The following C11orf65 variants were observed in gnomAD, a reference collection of about 807,000 sequenced individuals.
The protein encoded by C11orf65 is protein MFI.
A neutral mutation model predicts 35.3 loss-of-function variants in C11orf65; 38 were observed. The ratio of observed to expected loss-of-function variants is 1.08; its 90% CI spans 0.83 to 1.41. The LOEUF (loss-of-function observed/expected upper bound fraction) is 1.41, where lower values mean the gene tolerates loss of function less well. Ranked by LOEUF, C11orf65 falls within the 40% of genes most tolerant of loss-of-function variation. C11orf65 has a pLI of 0.00. For missense variants in C11orf65, 370 were observed against 367.1 expected (o/e 1.01, Z -0.06); for synonymous variants, 105 against 114.4 (o/e 0.92, Z 0.53).
intron 2 of C11orf65, among the ~76,000 whole-genome samples, chr11:108,432,965 G>A (rs1231166487): frequency 6.6e-6 from 1 of 152,082 alleles, no homozygotes; most frequent in Non-Finnish European, 1.5e-5. Context: ...GGTTGACAGG[G>A]GAGTTCTGCT....
At chr11:108,344,136 CAT>C (rs1327107244) in intron 2 of C11orf65, among the ~76,000 whole-genome samples, 5 of 152,090 alleles carry the variant, frequency 3.3e-5, no homozygotes, top group African/African-American at 1.2e-4. Context: ...CTTTCTGTGA[CAT>C]GTTTTTTAAA....
intron 2 of C11orf65, among the ~76,000 whole-genome samples, chr11:108,435,420 T>C (rs1440295867): frequency 6.6e-6 from 1 of 152,156 alleles, no homozygotes; most frequent in Non-Finnish European, 1.5e-5. Flanking sequence ...TTAAGGAAGA[T>C]GTCTAGAATT....
intron 2 of C11orf65, among the ~76,000 whole-genome samples, chr11:108,451,673 AC>A (rs1365939250): frequency 6.6e-6 from 1 of 152,178 alleles, no homozygotes; most frequent in Admixed American, 6.5e-5. Context: ...TTCACATGGA[AC>A]CAAAAAAGAG....
At chr11:108,345,497 A>G (rs1196163161) in intron 2 of C11orf65, among the ~76,000 whole-genome samples, 1 of 152,182 alleles carries the variant, frequency 6.6e-6, no homozygotes, top group Non-Finnish European at 1.5e-5. Flanking sequence ...TCAAATTAGA[A>G]TTTAATCAAA....
chr11:108,447,297 C>G (rs1043138148), intron 2 of C11orf65, among the ~76,000 whole-genome samples: 1 of 152,112 alleles, frequency 6.6e-6, no homozygotes, highest in African/African-American at 2.4e-5. Context: ...TAGACATCTA[C>G]AGAACTCTCC....
intron 7 of C11orf65, among the ~76,000 whole-genome samples, chr11:108,391,416 G>A (rs892529847): frequency 9.9e-5 from 15 of 151,934 alleles, no homozygotes; most frequent in Admixed American, 2.0e-4. Context: ...AGTTTCACTC[G>A]TTGCCCAGGC....
chr11:108,316,585 T>G (rs528485347), intron 6 of C11orf65, among the ~76,000 whole-genome samples: 1 of 152,116 alleles, frequency 6.6e-6, no homozygotes, highest in Admixed American at 6.5e-5. Flanking sequence ...TTGTGTTTTT[T>G]GGGAAACATT....
At chr11:108,331,182 A>G (rs1591165641), downstream of C11orf65, 1 of 1,152,010 alleles carries the variant, frequency 8.7e-7, no homozygotes, top group East Asian at 5.4e-5. Flanking sequence ...TTTTTGGAAT[A>G]TAAACAGTAC....
chr11:108,363,123 A>T (rs2090985917), intron 2 of C11orf65, among the ~76,000 whole-genome samples: 1 of 152,146 alleles, frequency 6.6e-6, no homozygotes, highest in Non-Finnish European at 1.5e-5. Flanking sequence ...TTTCCCAGTG[A>T]TCTTACCACA....
At chr11:108,417,231 TA>T (rs989267199) in intron 3 of C11orf65, among the ~76,000 whole-genome samples, 1 of 151,988 alleles carries the variant, frequency 6.6e-6, no homozygotes, top group Non-Finnish European at 1.5e-5. Flanking sequence ...TCCTACTGGA[TA>T]AAAAATGTTA....
At chr11:108,423,299 C>A (rs976644654) in intron 3 of C11orf65, among the ~76,000 whole-genome samples, 15 of 152,172 alleles carry the variant, frequency 9.9e-5, no homozygotes, top group Non-Finnish European at 1.9e-4. Context: ...GCGGATCCCA[C>A]CCCCATGGAG....
At chr11:108,409,878 T>A (rs1020528245) in intron 3 of C11orf65, among the ~76,000 whole-genome samples, 1 of 152,174 alleles carries the variant, frequency 6.6e-6, no homozygotes, top group Admixed American at 6.5e-5. Context: ...AACAGTTTCA[T>A]CCCAAAACCA....
At chr11:108,310,143 A>G in intron 6 of C11orf65, 2 of 1,608,434 alleles carry the variant, frequency 1.2e-6, no homozygotes, top group African/African-American at 2.7e-5. Context: ...ATGACATTAT[A>G]TCTCATTTTT....
At position 108,410,326 on chromosome 11, in the gene C11orf65, T is replaced by C. The variant is rs78016245; in HGVS notation, c.175-3177A>G. 2.7e-3 allele frequency among the ~76,000 whole-genome samples: 414 copies of C among 152,340 alleles called. 8 individuals carry two copies. In the East Asian group the frequency reaches 0.06, roughly 22 times the overall value. On this transcript the variant is annotated intron_variant, in intron 3 of 8. Transcript: ENST00000393084. ...TGCTGAGCACCTTGCATATGCTTAT[T>C]GGCCATATGGATCTATCAGTCATGC...
At chr11:108,449,849 G>A (rs188371004) in intron 2 of C11orf65, among the ~76,000 whole-genome samples, 25 of 151,620 alleles carry the variant, frequency 1.6e-4, no homozygotes, top group East Asian at 7.7e-4. Flanking sequence ...GTGAACAGGC[G>A]ACCTACAAAA....
chr11:108,374,551 A>T (rs931142917), intron 2 of C11orf65, among the ~76,000 whole-genome samples: 2 of 152,246 alleles, frequency 1.3e-5, no homozygotes, highest in African/African-American at 4.8e-5. Context: ...ACAGAGCAGA[A>T]AAACTGGAAA....
chr11:108,403,422 T>TTG (rs2092478448), intron 6 of C11orf65, among the ~76,000 whole-genome samples: 1 of 149,802 alleles, frequency 6.7e-6, no homozygotes, highest in Non-Finnish European at 1.5e-5. Context: ...TTTTTTTTGT[T>TTG]TTTTTTTTTT....
At chr11:108,385,795 G>A in intron 8 of C11orf65, 125 bp downstream of exon 8, 1 of 733,596 alleles carries the variant, frequency 1.4e-6, no homozygotes, top group East Asian at 2.6e-5. Context: ...AAAATGACTT[G>A]ACAAATGCAT....
At chr11:108,372,288 G>A (rs2091594399) in intron 2 of C11orf65, among the ~76,000 whole-genome samples, 2 of 152,116 alleles carry the variant, frequency 1.3e-5, no homozygotes, top group Admixed American at 1.3e-4. Context: ...CTGCCTCCCA[G>A]GTTCAAGCGA....
Sources: gnomAD v4.1 joint callset for allele counts (sites outside exome capture counted in the v4.1 genomes callset) on GRCh38, gnomAD v4.1.1 for gene constraint, MANE v1.5 for transcripts, NCBI Gene and HGNC (gene_info 2026-07-23, HGNC 2026-07-21) for gene names.